Variants in BCAT1 observed in about 807,000 individuals in gnomAD.
BCAT1 encodes branched-chain-amino-acid aminotransferase, cytosolic.
BCAT1 carries 48 observed loss-of-function variants against 52.4 expected under a neutral mutation model. The ratio of observed to expected loss-of-function variants is 0.92; its 90% CI spans 0.73 to 1.16. BCAT1 has a LOEUF of 1.16. BCAT1 is among the 50% of genes most tolerant of loss of function. The pLI is 0.00. For synonymous variants in BCAT1, 167 were observed against 161.3 expected (o/e 1.04, Z -0.27); for missense variants, 451 against 457.1 (o/e 0.99, Z 0.12).
Position 24,902,410 on chromosome 12 carries a change from A to G in BCAT1, c.7-525T>C, listed in dbSNP as rs1943133522. 23 of 1,067,636 alleles carry G rather than the reference A, an allele frequency of 2.2e-5. No homozygotes were observed. The South Asian group carries it at 8.5e-4, about 39-fold the overall frequency. 66.1% of individuals were successfully genotyped at this position (1,067,636 alleles called of 1,614,324 possible). A position where few individuals can be genotyped will look rare whatever the true frequency, so the allele number is the denominator to read the frequency against. ...CACCCCACACCTTAAACCTCATGGTATTAGTGGGCAATTTAAAAGATAAAG... is the reference window on the plus strand; with the variant it reads ...CACCCCACACCTTAAACCTCATGGTGTTAGTGGGCAATTTAAAAGATAAAG... On this transcript the variant is annotated intron_variant, in intron 1 of 10. Transcript: ENST00000261192.
chr12:24,878,583 G>A lies in BCAT1; in HGVS notation c.457C>T (p.Pro153Ser), dbSNP rs1471498583. ...QLVKLDQEWV[P>S]YSTSASLYIR... ...TACAGACTAGCAGATGTTGAATATG[G>A]GACCCATTCTTGATCCAATTTCACA... The change falls in exon 5 of 11, where the codon CCA becomes TCA. Residue 153 changes from proline (P) to serine (S), a missense_variant. Coordinates refer to ENST00000261192, the MANE Select transcript of BCAT1 (RefSeq NM_005504.7). 1 of 1,611,274 alleles carries A rather than the reference G, an allele frequency of 6.2e-7. No homozygotes were observed. The highest frequency in any genetic ancestry group is 8.5e-7 in the Non-Finnish European group (1 of 1,177,868).
chr12:24,916,468 A>C (rs1199487859), intron 1 of BCAT1, among the ~76,000 whole-genome samples: 1 of 152,208 alleles, frequency 6.6e-6, no homozygotes, highest in African/African-American at 2.4e-5. Context: ...GCCTTGGTAA[A>C]ATAACCACTG....
chr12:24,893,878 G>T (rs999149076), intron 3 of BCAT1, among the ~76,000 whole-genome samples: 7 of 152,100 alleles, frequency 4.6e-5, no homozygotes, highest in African/African-American at 1.7e-4. Context: ...ATTATTACTG[G>T]TCATAAAAAT....
At chr12:24,829,738 T>C (rs983467226) in intron 10 of BCAT1, 85 bp downstream of exon 10, 3 of 1,089,740 alleles carry the variant, frequency 2.8e-6, no homozygotes, top group Non-Finnish European at 3.9e-6. Context: ...TGAAATATAA[T>C]TTAGTTGTAA....
In BCAT1 at chr12:24,812,274, C is replaced by T. The variant is rs1377077918; in HGVS notation, c.*5734G>A. 2 of 151,900 alleles carry T rather than the reference C, an allele frequency of 1.3e-5. No individual in the cohort carries two copies. Among genetic ancestry groups the T allele is most frequent in the African/African-American group, 4.8e-5 (2 of 41,388 alleles). The allele number at this position is 151,900 out of a possible 1,614,324, so 9.4% of individuals were successfully genotyped here. A position where few individuals can be genotyped will look rare whatever the true frequency, so the allele number is the denominator to read the frequency against. On this transcript the variant is annotated 3_prime_UTR_variant, in exon 11 of 11. Coordinates refer to ENST00000261192, the MANE Select transcript of BCAT1 (RefSeq NM_005504.7). The stretch of plus-strand genomic sequence containing the variant: ...GTCAACCAATTTCCAATTCAGTAAA[C>T]CTTCCACCTATCAGGATAGGAGATA...
intron 10 of BCAT1, among the ~76,000 whole-genome samples, chr12:24,828,264 G>A (rs1940492943): frequency 6.6e-6 from 1 of 152,170 alleles, no homozygotes. Flanking sequence ...CTTCAACAAA[G>A]TCTTCTAACT....
chr12:24,856,206 C>A (rs906498690), intron 5 of BCAT1, among the ~76,000 whole-genome samples: 2 of 152,168 alleles, frequency 1.3e-5, no homozygotes, highest in Non-Finnish European at 2.9e-5. Flanking sequence ...CACTGTAAAA[C>A]CCCGGTGTGG....
intron 1 of BCAT1, among the ~76,000 whole-genome samples, chr12:24,904,868 T>A (rs1009610313): frequency 6.6e-6 from 1 of 152,188 alleles, no homozygotes. Flanking sequence ...TGTTAAGGAA[T>A]CCCACAGACA....
intron 1 of BCAT1, among the ~76,000 whole-genome samples, chr12:24,929,242 G>A (rs1024026112): frequency 6.6e-6 from 1 of 152,160 alleles, no homozygotes; most frequent in South Asian, 2.1e-4. Context: ...CATTCTTTGG[G>A]ATCCGTGTTT....
chr12:24,890,004 T>C (rs949436546), intron 3 of BCAT1, among the ~76,000 whole-genome samples: 1 of 152,078 alleles, frequency 6.6e-6, no homozygotes, highest in Non-Finnish European at 1.5e-5. Context: ...CGGGAGGGCA[T>C]GGAAGCCCTG....
intron 1 of BCAT1, among the ~76,000 whole-genome samples, chr12:24,938,914 A>G (rs1312028195): frequency 6.6e-6 from 1 of 151,808 alleles, no homozygotes; most frequent in Non-Finnish European, 1.5e-5. Flanking sequence ...TCGCTCTGTC[A>G]CCCAGGCTGG....
In BCAT1 at chr12:24,810,116, G is replaced by A. The variant is rs1238755867; in HGVS notation, c.*7892C>T. 2 of 152,140 alleles carry A rather than the reference G, an allele frequency of 1.3e-5. No individual in the cohort carries two copies. Among genetic ancestry groups the A allele is most frequent in the African/African-American group, 4.8e-5 (2 of 41,420 alleles). The allele number at this position is 152,140 out of a possible 1,614,324, so 9.4% of individuals were successfully genotyped here. On this transcript the variant is annotated 3_prime_UTR_variant, in exon 11 of 11. Coordinates refer to ENST00000261192, the MANE Select transcript of BCAT1 (RefSeq NM_005504.7). The stretch of plus-strand genomic sequence containing the variant: ...AAGACCTTTGGAGAGAATGATCATG[G>A]GTTTTGATCAACACTGTCGCGATTG...
chr12:24,902,949 G>A, intron 1 of BCAT1: 1 of 1,508,748 alleles, frequency 6.6e-7, no homozygotes. Context: ...CGAGGTACCT[G>A]GCGGGCAAGG....
At chr12:24,881,471 G>T in intron 3 of BCAT1, 60 bp from the exon 4 acceptor site, 1 of 1,113,506 alleles carries the variant, frequency 9.0e-7, no homozygotes, top group Non-Finnish European at 1.4e-6. Context: ...CCGTGTTCAA[G>T]AGACTGACTT....
chr12:24,945,183 G>A (rs1476663120), intron 1 of BCAT1, among the ~76,000 whole-genome samples: 2 of 152,220 alleles, frequency 1.3e-5, no homozygotes, highest in Non-Finnish European at 2.9e-5. Flanking sequence ...AGAAAAGACA[G>A]ATTCTCCTTT....
In BCAT1 at chr12:24,832,881, A is replaced by G; in HGVS notation, c.904-18T>C. 1 of 1,592,668 alleles carries G rather than the reference A, an allele frequency of 6.3e-7. No individual in the cohort carries two copies. Among genetic ancestry groups the G allele is most frequent in the South Asian group, 1.1e-5 (1 of 87,988 alleles). ...AATTCACCCTGCATGGAATATAAAA[A>G]ATAACAAGTATATTTTAAAGGAAAA... is the stretch of plus-strand genomic sequence containing the variant. On this transcript the variant is annotated intron_variant, in intron 8 of 10. Coordinates refer to ENST00000261192, the MANE Select transcript of BCAT1 (RefSeq NM_005504.7).
At chr12:24,888,880 T>C (rs1238193755) in intron 3 of BCAT1, among the ~76,000 whole-genome samples, 1 of 152,188 alleles carries the variant, frequency 6.6e-6, no homozygotes, top group Admixed American at 6.6e-5. Flanking sequence ...GCGTCAATCA[T>C]GTTCAAGATG....
intron 3 of BCAT1, 50 bp downstream of exon 3, chr12:24,894,225 C>T (rs1238526560): frequency 3.8e-6 from 6 of 1,562,658 alleles, no homozygotes; most frequent in Non-Finnish European, 5.3e-6. Flanking sequence ...CTACTTAGTA[C>T]CCACAGTGAA....
chr12:24,907,502 G>A (rs1307262358), intron 1 of BCAT1, among the ~76,000 whole-genome samples: 1 of 152,164 alleles, frequency 6.6e-6, no homozygotes, highest in East Asian at 1.9e-4. Flanking sequence ...AAAATAGCAG[G>A]TTCCTGCCTT....
Sources: allele counts gnomAD v4.1 joint callset (sites outside exome capture counted in the v4.1 genomes callset), GRCh38; gene constraint gnomAD v4.1.1; transcripts MANE v1.5; gene names NCBI Gene and HGNC (gene_info 2026-07-23, HGNC 2026-07-21).